DDX10: variants seen among roughly 807,000 people sequenced by gnomAD.
The protein encoded by DDX10 is probable ATP-dependent RNA helicase DDX10.
DDX10 carries 74 observed loss-of-function variants against 104.3 expected under a neutral mutation model. The ratio of observed to expected loss-of-function variants is 0.71; its 90% CI spans 0.59 to 0.86. The LOEUF is 0.86. DDX10 is among the 40% of genes least tolerant of loss of function. DDX10 has a pLI of 0.00. For synonymous variants in DDX10, 351 were observed against 353.4 expected (o/e 0.99, Z 0.08); for missense variants, 952 against 1,040.0 (o/e 0.92, Z 1.16).
intron 16 of DDX10, among the ~76,000 whole-genome samples, chr11:108,897,844 C>A (rs561573496): frequency 6.6e-6 from 1 of 152,154 alleles, no homozygotes; most frequent in African/African-American, 2.4e-5. Flanking sequence ...TTCAAAGGAA[C>A]CATCTTCCAG....
rs10582729 is a variant in DDX10, at chr11:108,750,926, C to CTTT, written c.1965+27500_1965+27502dup. 3.3e-4 allele frequency among the ~76,000 whole-genome samples: 8 copies of CTTT among 24,264 alleles called. 1 individual carries two copies. Among genetic ancestry groups the CTTT allele is most frequent in the Admixed American group, 7.9e-4 (1 of 1,268 alleles). 15.9% of individuals were successfully genotyped at this position (24,264 alleles called of 152,430 possible). ...ACATGTGCATCACCACACCTGGTTA[C>CTTT]TTTTTTTTTTTTTTTTTTTTTTTTT... is the stretch of plus-strand genomic sequence containing the variant. On this transcript the variant is annotated intron_variant, in intron 13 of 17. Transcript: ENST00000322536.
At chr11:108,685,132 T>A (rs555146268) in intron 6 of DDX10, among the ~76,000 whole-genome samples, 15 of 151,576 alleles carry the variant, frequency 9.9e-5, no homozygotes, top group Non-Finnish European at 2.1e-4. Flanking sequence ...TTGCGAAAAT[T>A]TTCTCCCATG....
At chr11:108,675,559 A>G (rs929750724) in intron 2 of DDX10, 37 bp from the exon 3 acceptor site, 35 of 1,605,344 alleles carry the variant, frequency 2.2e-5, no homozygotes, top group Non-Finnish European at 3.0e-5. Flanking sequence ...TCCTACAGGG[A>G]TCTTCTAAAG....
At chr11:108,671,539 T>G (rs2094217024) in intron 1 of DDX10, among the ~76,000 whole-genome samples, 1 of 152,186 alleles carries the variant, frequency 6.6e-6, no homozygotes. Context: ...TAACAGAATA[T>G]CTAGAGCAGG....
intron 13 of DDX10, among the ~76,000 whole-genome samples, chr11:108,773,842 GGGA>G (rs2094366436): frequency 6.6e-6 from 1 of 152,284 alleles, no homozygotes; most frequent in Non-Finnish European, 1.5e-5. Flanking sequence ...GTGCTGAGAA[GGGA>G]GACCCAGCCC....
intron 16 of DDX10, among the ~76,000 whole-genome samples, chr11:108,864,385 A>G (rs1862979757): frequency 1.3e-5 from 2 of 151,912 alleles, no homozygotes; most frequent in Admixed American, 6.6e-5. Context: ...CCCCATTAAG[A>G]ACCAGTGGTC....
At chr11:108,904,520 C>A (rs1359410609) in intron 16 of DDX10, among the ~76,000 whole-genome samples, 2 of 152,132 alleles carry the variant, frequency 1.3e-5, no homozygotes, top group Non-Finnish European at 2.9e-5. Context: ...TTATTTTTCA[C>A]CAAAGATGAG....
At chr11:108,704,613 C>T (rs2094273305) in intron 9 of DDX10, among the ~76,000 whole-genome samples, 1 of 152,148 alleles carries the variant, frequency 6.6e-6, no homozygotes, top group African/African-American at 2.4e-5. Context: ...TGAATGCTGC[C>T]TTCATACATG....
intron 13 of DDX10, among the ~76,000 whole-genome samples, chr11:108,738,336 T>G (rs2094320831): frequency 6.6e-6 from 1 of 151,902 alleles, no homozygotes; most frequent in Non-Finnish European, 1.5e-5. Flanking sequence ...AAGAGTTTTT[T>G]AAGTTGGCTG....
At chr11:108,670,401 A>G (rs61913965) in intron 1 of DDX10, among the ~76,000 whole-genome samples, 18,625 of 152,168 alleles carry the variant, frequency 0.12, 1,541 homozygotes, top group East Asian at 0.27. Flanking sequence ...CTCAGACTGC[A>G]GCACAGTTCC....
chr11:108,863,076 T>G (rs1591100576), intron 16 of DDX10, among the ~76,000 whole-genome samples: 2 of 152,240 alleles, frequency 1.3e-5, no homozygotes, highest in South Asian at 4.1e-4. Flanking sequence ...GTTATTTATT[T>G]ATTTTTCCAT....
At chr11:108,795,857 C>T (rs1231683514) in intron 13 of DDX10, among the ~76,000 whole-genome samples, 1 of 152,122 alleles carries the variant, frequency 6.6e-6, no homozygotes, top group African/African-American at 2.4e-5. Flanking sequence ...GGTATATACC[C>T]AGTAATGGGA....
chr11:108,711,447 C>T (rs1037870765), intron 10 of DDX10, among the ~76,000 whole-genome samples: 1 of 152,218 alleles, frequency 6.6e-6, no homozygotes, highest in Non-Finnish European at 1.5e-5. Flanking sequence ...ATTCTCCTGC[C>T]TCAGCCTCCT....
At position 108,933,473 on chromosome 11, in the gene DDX10, C is replaced by G. The variant is rs150024846; in HGVS notation, c.2451-6773C>G. 2.6e-5 allele frequency among the ~76,000 whole-genome samples: 4 copies of G among 152,212 alleles called. No homozygotes were observed. In the East Asian group the frequency reaches 7.7e-4, roughly 29 times the overall value. On this transcript the variant is annotated intron_variant, in intron 17 of 17. Transcript: ENST00000322536. ...GGGTTAAGGTTTTGATGTGATCACACATTTTTAAAAGGATAATAGTTAGAT... is the reference window on the plus strand; with the variant it reads ...GGGTTAAGGTTTTGATGTGATCACAGATTTTTAAAAGGATAATAGTTAGAT...
chr11:108,911,093 C>A (rs1034960759), intron 16 of DDX10, among the ~76,000 whole-genome samples: 3 of 152,078 alleles, frequency 2.0e-5, no homozygotes, highest in African/African-American at 7.2e-5. Context: ...AATAGCAGAA[C>A]CTGGCTTTCA....
chr11:108,675,785 C>T, intron 3 of DDX10, 59 bp downstream of exon 3: 1 of 1,576,386 alleles, frequency 6.3e-7, no homozygotes, highest in Non-Finnish European at 8.7e-7. Context: ...CATTCTGTGC[C>T]CAGATGCAGA....
At chr11:108,816,902 A>G (rs1862263621) in intron 13 of DDX10, among the ~76,000 whole-genome samples, 3 of 152,088 alleles carry the variant, frequency 2.0e-5, no homozygotes, top group South Asian at 4.1e-4. Context: ...CCTTGCTCCT[A>G]TTAAATCTTC....
At chr11:108,782,671 A>G (rs1861722485) in intron 13 of DDX10, among the ~76,000 whole-genome samples, 1 of 151,916 alleles carries the variant, frequency 6.6e-6, no homozygotes. Flanking sequence ...GTTCCTTTTT[A>G]TCTTCCCTTT....
intron 16 of DDX10, among the ~76,000 whole-genome samples, chr11:108,893,355 T>C (rs1003349177): frequency 1.3e-5 from 2 of 152,054 alleles, no homozygotes; most frequent in Non-Finnish European, 1.5e-5. Context: ...ACCCAAAGAT[T>C]TGGGTTCTAG....
Sources: allele counts gnomAD v4.1 joint callset (sites outside exome capture counted in the v4.1 genomes callset), GRCh38; gene constraint gnomAD v4.1.1; transcripts MANE v1.5; gene names NCBI Gene and HGNC (gene_info 2026-07-23, HGNC 2026-07-21).